SNTG2: variants seen among roughly 807,000 people sequenced by gnomAD.
SNTG2 encodes the protein syntrophin gamma 2.
A neutral mutation model predicts 70.9 loss-of-function variants in SNTG2; 74 were observed. The ratio of observed to expected loss-of-function variants is 1.04; its 90% CI spans 0.86 to 1.27. The LOEUF (loss-of-function observed/expected upper bound fraction) is 1.27. Among genes scored for constraint, SNTG2 ranks in the 50% most tolerant of loss-of-function variants. SNTG2 has a pLI of 0.00. For synonymous variants in SNTG2, 278 were observed against 273.8 expected (o/e 1.02, Z -0.15); for missense variants, 717 against 690.7 (o/e 1.04, Z -0.43).
At chr2:1,218,152 G>A (rs1408998202) in intron 9 of SNTG2, among the ~76,000 whole-genome samples, 2 of 151,964 alleles carry the variant, frequency 1.3e-5, no homozygotes, top group Admixed American at 1.3e-4. Context: ...CAGGTAACAG[G>A]TAACCCCATA....
rs2147935028 is a variant in SNTG2 at position 951,176 on chromosome 2, C to T, written c.72+108C>T. ...TCCACGCCCCCTCGCTCCCCGCGACCCCTTCCCTGTCTCCGGGGACGGCTG... is the reference window on the plus strand; with the variant it reads ...TCCACGCCCCCTCGCTCCCCGCGACTCCTTCCCTGTCTCCGGGGACGGCTG... On this transcript the variant is annotated intron_variant, in intron 1 of 16. Transcript: ENST00000308624. 3 of 515,774 alleles carry T rather than the reference C, an allele frequency of 5.8e-6. No individual in the cohort carries two copies. In the South Asian group the frequency reaches 2.9e-4, roughly 49 times the overall value. 31.9% of individuals were successfully genotyped at this position (515,774 alleles called of 1,614,324 possible). A position where few individuals can be genotyped will look rare whatever the true frequency, so the allele number is the denominator to read the frequency against.
chr2:1,071,397 A>G (rs557048642), intron 1 of SNTG2, among the ~76,000 whole-genome samples: 36 of 149,538 alleles, frequency 2.4e-4, no homozygotes, highest in Non-Finnish European at 4.4e-4. Flanking sequence ...AAACTATCGC[A>G]AGAACAAAAA....
Position 1,239,736 on chromosome 2 carries a change from A to G in SNTG2, c.850-2A>G. On this transcript the variant is annotated splice_acceptor_variant, in intron 10 of 16. Coordinates refer to ENST00000308624, the MANE Select transcript of SNTG2 (RefSeq NM_018968.4). LOFTEE classifies it high-confidence loss of function. ...CCTGACTCTTCTGCCTTCTCTCCAC[A>G]GATGAAGATGGCGAACAAATGCTGC... 6.2e-7 allele frequency: 1 copy of G among 1,613,338 alleles called. No individual in the cohort carries two copies. The highest frequency in any genetic ancestry group is 8.5e-7 in the Non-Finnish European group (1 of 1,179,728).
intron 8 of SNTG2, among the ~76,000 whole-genome samples, chr2:1,185,456 T>C (rs549253282): frequency 6.0e-4 from 92 of 152,286 alleles, no homozygotes; most frequent in African/African-American, 2.1e-3. Context: ...AGGTTCTCCA[T>C]GAAGGCTTCT....
At chr2:1,246,793 T>C (rs1442010268) in intron 11 of SNTG2, among the ~76,000 whole-genome samples, 1 of 152,186 alleles carries the variant, frequency 6.6e-6, no homozygotes, top group African/African-American at 2.4e-5. Flanking sequence ...CATATTCTGA[T>C]TTTGATAGGT....
intron 1 of SNTG2, among the ~76,000 whole-genome samples, chr2:1,024,312 G>A (rs1660356832): frequency 6.6e-6 from 1 of 152,154 alleles, no homozygotes; most frequent in African/African-American, 2.4e-5. Context: ...GTGACAGAAG[G>A]TTATTATTTA....
chr2:1,133,723 T>TG (rs200359042), intron 4 of SNTG2, among the ~76,000 whole-genome samples: 8,223 of 152,268 alleles, frequency 0.054, 343 homozygotes, highest in South Asian at 0.19. Context: ...AGGCTAAAAG[T>TG]GTCCGTCAGC....
At chr2:1,030,050 C>A (rs1215304919) in intron 1 of SNTG2, among the ~76,000 whole-genome samples, 2 of 152,220 alleles carry the variant, frequency 1.3e-5, no homozygotes, top group Non-Finnish European at 2.9e-5. Flanking sequence ...TCTATCTACA[C>A]CTTGAGTGGC....
intron 2 of SNTG2, 45 bp downstream of exon 2, chr2:1,083,700 GC>G: frequency 3.7e-6 from 6 of 1,609,124 alleles, no homozygotes; most frequent in Non-Finnish European, 5.1e-6. Context: ...TTTCGGACGA[GC>G]CCCATGAACG....
chr2:979,371 A>G (rs1255544265), intron 1 of SNTG2, among the ~76,000 whole-genome samples: 1 of 152,224 alleles, frequency 6.6e-6, no homozygotes, highest in Non-Finnish European at 1.5e-5. Context: ...AGAAGGTAGC[A>G]TTTAGGTACA....
chr2:1,352,085 G>A (rs1213976959), intron 16 of SNTG2, among the ~76,000 whole-genome samples: 1 of 152,174 alleles, frequency 6.6e-6, no homozygotes, highest in Admixed American at 6.5e-5. Context: ...CCCACAGGGT[G>A]ACCATCGCTT....
chr2:1,124,518 G>A (rs181906188), intron 4 of SNTG2, among the ~76,000 whole-genome samples: 183 of 151,952 alleles, frequency 1.2e-3, no homozygotes, highest in African/African-American at 4.2e-3. Context: ...GGATGGTCTC[G>A]ATCTCTTGAC....
Position 1,286,613 on chromosome 2 carries a change from G to T in SNTG2, c.1284+19042G>T, listed in dbSNP as rs182964825. ...GGTAGTCTTGGCAGAAGCATTGCAT[G>T]CAGGATAGGCAAACCCATATTTAGA... On this transcript the variant is annotated intron_variant, in intron 14 of 16. Transcript: ENST00000308624. Among the ~76,000 whole-genome samples, 680 of 152,340 alleles carry T rather than the reference G, an allele frequency of 4.5e-3. 6 individuals carry two copies. Among genetic ancestry groups the T allele is most frequent in the African/African-American group, 0.015 (638 of 41,570 alleles).
chr2:1,361,345 TA>T lies in SNTG2; in HGVS notation c.1489-5987del, dbSNP rs201621896. On this transcript the variant is annotated intron_variant, in intron 16 of 16. Transcript: ENST00000308624. ...TAAATGGTCATCAAGTTGACCCATTTAAAAAAAAAAACTCACAGAATTTTGA... is the reference window on the plus strand; with the variant it reads ...TAAATGGTCATCAAGTTGACCCATTTAAAAAAAAAACTCACAGAATTTTGA... Among the ~76,000 whole-genome samples the T allele has an allele frequency of 6.2e-3, 924 of 149,726 alleles. 7 individuals carry two copies. The highest frequency in any genetic ancestry group is 0.021 in the African/African-American group (859 of 40,922).
chr2:1,163,881 C>G (rs572018653), intron 6 of SNTG2, among the ~76,000 whole-genome samples: 1 of 152,124 alleles, frequency 6.6e-6, no homozygotes, highest in Non-Finnish European at 1.5e-5. Flanking sequence ...TAGAAATGTC[C>G]TCAGGTGAAA....
chr2:1,360,822 G>A (rs1426456753), intron 16 of SNTG2, among the ~76,000 whole-genome samples: 1 of 152,180 alleles, frequency 6.6e-6, no homozygotes, highest in Non-Finnish European at 1.5e-5. Context: ...TAGAGATGGA[G>A]TCTCTAAATA....
chr2:1,189,511 T>G (rs922531912), intron 8 of SNTG2, among the ~76,000 whole-genome samples: 6 of 151,934 alleles, frequency 3.9e-5, no homozygotes, highest in Non-Finnish European at 8.8e-5. Flanking sequence ...GCATTCAGGA[T>G]CACGTGAAAT....
At chr2:972,078 T>G (rs1173844043) in intron 1 of SNTG2, among the ~76,000 whole-genome samples, 1 of 152,136 alleles carries the variant, frequency 6.6e-6, no homozygotes, top group East Asian at 1.9e-4. Context: ...GATTTTAGAG[T>G]TTCTAATATG....
At position 1,193,457 on chromosome 2, in the gene SNTG2, A is replaced by G. The variant is rs1672723673; in HGVS notation, c.592-15646A>G. Among the ~76,000 whole-genome samples, 4 of 152,122 alleles carry G rather than the reference A, an allele frequency of 2.6e-5. No homozygotes were observed. The South Asian group carries it at 6.2e-4, about 24-fold the overall frequency. On this transcript the variant is annotated intron_variant, in intron 8 of 16. Transcript: ENST00000308624. ...TGTTTGATTGTTCCCTTGTCTATTTATTTTTCTGAGATACTAAATGAGCAA... is the reference window on the plus strand; with the variant it reads ...TGTTTGATTGTTCCCTTGTCTATTTGTTTTTCTGAGATACTAAATGAGCAA...
Sources: gnomAD v4.1 joint callset for allele counts (sites outside exome capture counted in the v4.1 genomes callset) on GRCh38, gnomAD v4.1.1 for gene constraint, MANE v1.5 for transcripts, NCBI Gene and HGNC (gene_info 2026-07-23, HGNC 2026-07-21) for gene names.